PIDD1: variants seen among roughly 807,000 people sequenced by gnomAD.
PIDD1 encodes p53-induced death domain-containing protein 1.
PIDD1 carries 72 observed loss-of-function variants against 80.0 expected under a neutral mutation model. That is an observed-to-expected ratio of 0.90 (90% CI 0.74 to 1.09). The LOEUF (loss-of-function observed/expected upper bound fraction) is 1.09. Among genes scored for constraint, PIDD1 ranks in the 50% least tolerant of loss-of-function variants. The pLI, the probability that PIDD1 is intolerant of heterozygous loss-of-function variation, is 0.00. For synonymous variants in PIDD1, 655 were observed against 543.5 expected (o/e 1.21, Z -2.85); for missense variants, 1,329 against 1,228.3 (o/e 1.08, Z -1.23).
chr11:804,680 G>A lies in PIDD1; in HGVS notation c.-75-217C>T, dbSNP rs572741412. ...GACCGCCATGGCTCGCAGGAGCACC[G>A]GGCAGGGAGACCTCGCTATGAGCAG... On this transcript the variant is annotated intron_variant, in intron 1 of 15. Coordinates refer to ENST00000347755, the MANE Select transcript of PIDD1 (RefSeq NM_145886.4). 8 of 420,862 alleles carry A rather than the reference G, an allele frequency of 1.9e-5. No individual in the cohort carries two copies. In the South Asian group the frequency reaches 3.0e-4, roughly 16 times the overall value. The allele number at this position is 420,862 out of a possible 1,614,324, so 26.1% of individuals were successfully genotyped here. A position where few individuals can be genotyped will look rare whatever the true frequency, so the allele number is the denominator to read the frequency against.
At chr11:799,615 C>T in intron 15 of PIDD1, 50 bp from the exon 16 acceptor site, 1 of 1,529,282 alleles carries the variant, frequency 6.5e-7, no homozygotes. Context: ...CTGCCCAGGA[C>T]CCCCCACCAC....
chr11:804,525 G>A (rs1035999048), intron 1 of PIDD1, 62 bp from the exon 2 acceptor site: 1 of 1,422,804 alleles, frequency 7.0e-7, no homozygotes, highest in Non-Finnish European at 9.2e-7. Context: ...TGGGGAAACA[G>A]GGACTCTGGA....
Position 800,448 on chromosome 11 carries a change from C to T in PIDD1, c.2045G>A (p.Arg682His), listed in dbSNP as rs61753929. ...GATTCTGCCCTCCACACAGTCAGGG[C>T]GGTCTAGGGGACAGGGGTGGGCTGA... ...FERGIDVDAD[R>H]PDCVEGRICF... The change falls in exon 13 of 16, where the codon CGC (arginine) becomes CAC (histidine). Residue 682 changes from arginine to histidine, a missense_variant. Transcript: ENST00000347755. 3.1e-6 allele frequency: 5 copies of T among 1,612,278 alleles called. No individual in the cohort carries two copies. Among genetic ancestry groups the T allele is most frequent in the South Asian group, 1.1e-5 (1 of 91,086 alleles).
chr11:801,820 GGT>G, intron 7 of PIDD1, 143 bp downstream of exon 7: 1 of 1,160,716 alleles, frequency 8.6e-7, no homozygotes, highest in South Asian at 1.3e-5. Context: ...GACGGGGTGG[GGT>G]GGAAGGTGCC....
chr11:803,750 G>T, intron 2 of PIDD1, 163 bp from the exon 3 acceptor site: 1 of 777,504 alleles, frequency 1.3e-6, no homozygotes, highest in Non-Finnish European at 2.0e-6. Context: ...AGAGGTGCCC[G>T]CAAATGGAAG....
intron 5 of PIDD1, 72 bp downstream of exon 5, chr11:802,471 G>A: frequency 1.3e-6 from 2 of 1,599,824 alleles, no homozygotes; most frequent in African/African-American, 2.7e-5. Flanking sequence ...CAGGAACTCT[G>A]GAGAAGGTGT....
rs779101038 is a variant in PIDD1 at position 802,605 on chromosome 11, G to C, written c.920-8C>G. 2 of 1,612,570 alleles carry C rather than the reference G, an allele frequency of 1.2e-6. No homozygotes were observed. The highest frequency in any genetic ancestry group is 8.5e-7 in the Non-Finnish European group (1 of 1,179,464). On this transcript the variant is annotated splice_region_variant and splice_polypyrimidine_tract_variant and intron_variant, in intron 4 of 15. Coordinates refer to ENST00000347755, the MANE Select transcript of PIDD1 (RefSeq NM_145886.4). ...CTGGAATGAGGGCTGCCACTGTGCA[G>C]GGGACAGACATGTGCTCAGGACAGT...
At chr11:803,770 G>C (rs774988699) in intron 2 of PIDD1, 183 bp from the exon 3 acceptor site, 1 of 695,610 alleles carries the variant, frequency 1.4e-6, no homozygotes, top group Non-Finnish European at 2.4e-6. Flanking sequence ...GGAGGCAGGG[G>C]TGGAGACCAC....
At chr11:808,375 C>T (rs557336418), upstream of PIDD1, among the ~76,000 whole-genome samples, 1 of 151,624 alleles carries the variant, frequency 6.6e-6, no homozygotes, top group South Asian at 2.1e-4. Context: ...TGCAGTGAGC[C>T]AAGATCTCAC....
chr11:804,179 G>A lies in PIDD1; in HGVS notation c.210C>T (p.Ser70=). ...CCAGCAGCTGAGGGTCCTCGTGAGT[G>A]CTCAGACGCAAGAATTCCACCTGCA... ...QLLQVEFLRL[S]THEDPQLLEA... is the part of the protein sequence containing the mutation. Residue 70 remains serine, a synonymous_variant, in exon 2 of 16, where the codon AGC becomes AGT. Coordinates refer to ENST00000347755, the MANE Select transcript of PIDD1 (RefSeq NM_145886.4). 6.2e-7 allele frequency: 1 copy of A among 1,613,304 alleles called. No homozygotes were observed. The highest frequency in any genetic ancestry group is 8.5e-7 in the Non-Finnish European group (1 of 1,179,874).
At chr11:805,636 A>C (rs907583108), upstream of PIDD1, 1 of 985,356 alleles carries the variant, frequency 1.0e-6, no homozygotes, top group African/African-American at 1.7e-5. Flanking sequence ...AGCCGGAACA[A>C]TTGCAGTGTC....
Position 799,238 on chromosome 11 carries a change from G to C in PIDD1, c.*69C>G. ...CAGGGACCCGTCCCCACACACTGGAGAGACTTGAAGGTGGGGGCTCTGCCC... is the reference window on the plus strand; with the variant it reads ...CAGGGACCCGTCCCCACACACTGGACAGACTTGAAGGTGGGGGCTCTGCCC... On this transcript the variant is annotated 3_prime_UTR_variant, in exon 16 of 16. Transcript: ENST00000347755. 3.5e-6 allele frequency: 5 copies of C among 1,438,896 alleles called. 1 individual carries two copies. In the South Asian group the frequency reaches 6.7e-5, roughly 19 times the overall value. The allele number at this position is 1,438,896 out of a possible 1,614,324, so 89.1% of individuals were successfully genotyped here.
upstream of PIDD1, among the ~76,000 whole-genome samples, chr11:808,662 C>T (rs1029003826): frequency 6.6e-6 from 1 of 152,200 alleles, no homozygotes; most frequent in African/African-American, 2.4e-5. Context: ...AGCCACTGCA[C>T]TCCAGGCTGG....
rs148295308 is a variant in PIDD1, at chr11:801,085, A to G, written c.1666T>C (p.Tyr556His). Residue 556 changes from tyrosine to histidine, a missense_variant, in exon 10 of 16, where the codon TAC (tyrosine) becomes CAC (histidine). Physicochemically the swap from Tyr to His is moderately conservative, Grantham distance 83. Transcript: ENST00000347755. ...CAGGTGGCTGCAGGAGGGGCCCAGT[A>G]CAACAGGTGCAGGCGGGAGCGGTCC... ...SLDRSRLHLLYWAPPAATWDD... is the reference protein window; with the variant it reads ...SLDRSRLHLLHWAPPAATWDD... 4.1e-5 allele frequency: 66 copies of G among 1,594,236 alleles called. 1 individual carries two copies. Among genetic ancestry groups the G allele is most frequent in the Middle Eastern group, 3.3e-4 (2 of 5,990 alleles).
In PIDD1 at chr11:803,750, G is replaced by A. The variant is rs570065740; in HGVS notation, c.296-163C>T. The A allele has an allele frequency of 1.0e-4, 80 of 777,504 alleles. No homozygotes were observed. The East Asian group carries it at 1.9e-3, about 18-fold the overall frequency. The allele number at this position is 777,504 out of a possible 1,614,324, so 48.2% of individuals were successfully genotyped here. The stretch of plus-strand genomic sequence containing the variant: ...AGACAGAAACACTGGAGAGGTGCCC[G>A]CAAATGGAAGGAGGCAGGGGTGGAG... On this transcript the variant is annotated intron_variant, in intron 2 of 15. Transcript: ENST00000347755.
At position 805,217 on chromosome 11, in the gene PIDD1, G is replaced by T. The variant is rs950575728; in HGVS notation, c.-114C>A. On this transcript the variant is annotated 5_prime_UTR_variant, in exon 1 of 16. Transcript: ENST00000347755. The stretch of plus-strand genomic sequence containing the variant: ...GGCGCGCAAAGGGTGGCTGCTCAGC[G>T]GGCGCTCGGCGCCTGGGATCCCGCC... 3 of 983,330 alleles carry T rather than the reference G, an allele frequency of 3.1e-6. No homozygotes were observed. Among genetic ancestry groups the T allele is most frequent in the Non-Finnish European group, 3.6e-6 (3 of 828,192 alleles). 60.9% of individuals were successfully genotyped at this position (983,330 alleles called of 1,614,324 possible). A position where few individuals can be genotyped will look rare whatever the true frequency, so the allele number is the denominator to read the frequency against.
intron 1 of PIDD1, chr11:804,863 C>T (rs1865669608): frequency 6.4e-6 from 1 of 155,602 alleles, no homozygotes; most frequent in East Asian, 1.9e-4. Context: ...TCCCCTACCG[C>T]GGGGGTGACT....
At position 803,425 on chromosome 11, in the gene PIDD1, A is replaced by G; in HGVS notation, c.458T>C (p.Leu153Pro). The change falls in exon 3 of 16, where the codon CTC (leucine) becomes CCC (proline). Residue 153 changes from leucine (L) to proline (P), a missense_variant. Coordinates refer to ENST00000347755, the MANE Select transcript of PIDD1 (RefSeq NM_145886.4). ...AGAGAGGCAGTTGTGAGACAGCAAG[A>G]GCGCACCCAGACCTCGCATCTGCAG... ...CVLQMRGLGA[L>P]LLSHNCLSEL... 6.2e-7 allele frequency: 1 copy of G among 1,613,878 alleles called. No individual in the cohort carries two copies. The highest frequency in any genetic ancestry group is 8.5e-7 in the Non-Finnish European group (1 of 1,180,002).
At position 801,919 on chromosome 11, in the gene PIDD1, G is replaced by A. The variant is rs201123147; in HGVS notation, c.1302+46C>T. 917 of 1,589,996 alleles carry A rather than the reference G, an allele frequency of 5.8e-4. 1 individual carries two copies. Among genetic ancestry groups the A allele is most frequent in the Admixed American group, 9.5e-4 (55 of 58,012 alleles). Reference sequence around the variant, plus strand: ...CTCTGGGCAGAGGTGCACGGCTCAGGGCAGCAGCTCTCCACTCGCCACCGG... The same window carrying A: ...CTCTGGGCAGAGGTGCACGGCTCAGAGCAGCAGCTCTCCACTCGCCACCGG... On this transcript the variant is annotated intron_variant, in intron 7 of 15. Transcript: ENST00000347755.
Sources: allele counts gnomAD v4.1 joint callset (sites outside exome capture counted in the v4.1 genomes callset), GRCh38; gene constraint gnomAD v4.1.1; transcripts MANE v1.5; gene names NCBI Gene and HGNC (gene_info 2026-07-23, HGNC 2026-07-21).